Variants in UBE4B observed in about 807,000 individuals in gnomAD.
The protein encoded by UBE4B is ubiquitin conjugation factor E4 B.
UBE4B carries 27 observed loss-of-function variants against 148.1 expected under a neutral mutation model. The ratio of observed to expected loss-of-function variants is 0.18; its 90% confidence interval spans 0.13 to 0.25. UBE4B has a LOEUF of 0.25. Ranked by LOEUF, UBE4B falls within the 10% of genes least tolerant of loss-of-function variation. UBE4B has a pLI of 1.00. For missense variants in UBE4B, 1,170 were observed against 1,662.4 expected (o/e 0.70, Z 5.15); for synonymous variants, 596 against 619.3 (o/e 0.96, Z 0.56).
chr1:10,132,492 C>T lies in UBE4B; in HGVS notation c.2025+10C>T. 6.2e-7 allele frequency: 1 copy of T among 1,609,810 alleles called. No individual in the cohort carries two copies. The highest frequency in any genetic ancestry group is 8.5e-7 in the Non-Finnish European group (1 of 1,176,794). ...GAAAGCACAGATGCAGGTAGGATTC[C>T]TACAGACTGCTTTTCGCTGTTTGTC... On this transcript the variant is annotated intron_variant, in intron 15 of 27. Transcript: ENST00000343090.
intron 20 of UBE4B, among the ~76,000 whole-genome samples, chr1:10,150,970 G>A (rs1405989903): frequency 6.7e-6 from 1 of 150,280 alleles, no homozygotes; most frequent in African/African-American, 2.5e-5. Context: ...GACCATCCTG[G>A]CTAACATGGT....
chr1:10,087,380 G>A (rs1644782625), intron 2 of UBE4B, among the ~76,000 whole-genome samples: 1 of 152,142 alleles, frequency 6.6e-6, no homozygotes, highest in Admixed American at 6.6e-5. Context: ...CCTTCATCCA[G>A]TCTCCCCTAA....
At chr1:10,176,031 T>C (rs1258130501) in intron 25 of UBE4B, among the ~76,000 whole-genome samples, 1 of 152,208 alleles carries the variant, frequency 6.6e-6, no homozygotes, top group African/African-American at 2.4e-5. Context: ...ATCTGCTGTC[T>C]CTCTTTTCCT....
chr1:10,105,563 C>T lies in UBE4B; in HGVS notation c.628C>T (p.Leu210=). ...GATTGGCCAGATTTTAATGGAAGTG[C>T]TAATGATGTCCACTCAGACCAGAGA... The part of the protein sequence containing the change: ...DLIGQILMEV[L]MMSTQTRDEN... The change falls in exon 6 of 28, where the codon CTA becomes TTA. Residue 210 remains leucine, a synonymous_variant. Transcript: ENST00000343090. The T allele has an allele frequency of 6.2e-7, 1 of 1,614,198 alleles. No homozygotes were observed. The highest frequency in any genetic ancestry group is 8.5e-7 in the Non-Finnish European group (1 of 1,180,046).
At chr1:10,145,373 G>C (rs933723183) in intron 18 of UBE4B, 1 of 159,228 alleles carries the variant, frequency 6.3e-6, no homozygotes, top group African/African-American at 2.4e-5. Context: ...CTAGGCGGGC[G>C]GATCACGAGG....
Position 10,158,345 on chromosome 1 carries a change from T to G in UBE4B, c.2927-11T>G. On this transcript the variant is annotated splice_polypyrimidine_tract_variant and intron_variant, in intron 21 of 27. Coordinates refer to ENST00000343090, the MANE Select transcript of UBE4B (RefSeq NM_001105562.3). ...TACATATCCCTCAGTACCTTTGTCT[T>G]TCTTCTTTAGATGTTGAGCATACCG... The G allele has an allele frequency of 6.2e-7, 1 of 1,613,892 alleles. No homozygotes were observed. Among genetic ancestry groups the G allele is most frequent in the Non-Finnish European group, 8.5e-7 (1 of 1,179,932 alleles).
At chr1:10,103,632 G>GTTTTTTTTTTTTTTTTTTTTTTTTTTTT (rs1186811301) in intron 5 of UBE4B, among the ~76,000 whole-genome samples, 1 of 106,508 alleles carries the variant, frequency 9.4e-6, no homozygotes, top group African/African-American at 3.4e-5. Context: ...TTTTGTTTTT[G>GTTTTTTTTTTTTTTTTTTTTTTTTTTTT]TTTTTTTTTT....
chr1:10,068,910 C>G (rs1644437592), intron 1 of UBE4B, among the ~76,000 whole-genome samples: 1 of 152,194 alleles, frequency 6.6e-6, no homozygotes, highest in Non-Finnish European at 1.5e-5. Context: ...CCTAAATTTT[C>G]CAGCGGATCT....
chr1:10,034,018 GTGTGTGTGTGTC>G (rs1258845540), intron 1 of UBE4B, among the ~76,000 whole-genome samples: 3 of 152,120 alleles, frequency 2.0e-5, no homozygotes, highest in Admixed American at 2.0e-4. Context: ...TGAAGTTAAA[GTGTGTGTGTGTC>G]TGTGTCTTCA....
rs540136265 is a variant in UBE4B at position 10,126,026 on chromosome 1, C to T, written c.1555-768C>T. On this transcript the variant is annotated intron_variant, in intron 10 of 27. Transcript: ENST00000343090. ...TAAAAAATATTGATAGAGGGCCAAGCGCGGTAGCTCATGCCTGTGATCCCA... is the reference window on the plus strand; with the variant it reads ...TAAAAAATATTGATAGAGGGCCAAGTGCGGTAGCTCATGCCTGTGATCCCA... Among the ~76,000 whole-genome samples, 5 of 152,200 alleles carry T rather than the reference C, an allele frequency of 3.3e-5. No individual in the cohort carries two copies. In the East Asian group the frequency reaches 5.8e-4, roughly 18 times the overall value.
At chr1:10,174,457 T>C (rs2102037993) in intron 25 of UBE4B, among the ~76,000 whole-genome samples, 1 of 151,294 alleles carries the variant, frequency 6.6e-6, no homozygotes, top group East Asian at 2.0e-4. Flanking sequence ...TCCCAGCACT[T>C]TGGGGAGCCG....
intron 2 of UBE4B, 66 bp from the exon 3 acceptor site, chr1:10,095,395 C>A (rs368215683): frequency 6.3e-7 from 1 of 1,590,772 alleles, no homozygotes; most frequent in South Asian, 1.1e-5. Flanking sequence ...TGTTTACTGT[C>A]GCTATTACAA....
At chr1:10,117,064 T>G (rs758746497) in intron 7 of UBE4B, among the ~76,000 whole-genome samples, 2 of 152,200 alleles carry the variant, frequency 1.3e-5, no homozygotes, top group Non-Finnish European at 2.9e-5. Context: ...TGTCAGTCCC[T>G]TATAACTTTT....
chr1:10,137,277 G>T, intron 17 of UBE4B, 72 bp downstream of exon 17: 2 of 1,586,452 alleles, frequency 1.3e-6, no homozygotes, highest in Non-Finnish European at 8.6e-7. Context: ...CAATTCCATT[G>T]TGAACAGTAG....
At chr1:10,134,951 A>G (rs1312935082) in intron 15 of UBE4B, 37 bp from the exon 16 acceptor site, 3 of 1,594,946 alleles carry the variant, frequency 1.9e-6, no homozygotes, top group South Asian at 1.1e-5. Context: ...AATTTTTTTT[A>G]ATGTTTAAAA....
intron 15 of UBE4B, among the ~76,000 whole-genome samples, chr1:10,133,395 A>G (rs1190374975): frequency 6.6e-6 from 1 of 152,182 alleles, no homozygotes; most frequent in South Asian, 2.1e-4. Flanking sequence ...TGGGTTTATT[A>G]TATATAAAGC....
intron 20 of UBE4B, among the ~76,000 whole-genome samples, chr1:10,150,039 A>T (rs1645944236): frequency 6.6e-6 from 1 of 152,212 alleles, no homozygotes; most frequent in African/African-American, 2.4e-5. Context: ...AAAGTTTTGT[A>T]ACAAACAACA....
intron 25 of UBE4B, among the ~76,000 whole-genome samples, chr1:10,173,977 T>C (rs12074936): frequency 0.23 from 34,660 of 152,134 alleles, 6,064 homozygotes; most frequent in African/African-American, 0.49. Flanking sequence ...TGGCTTGGGT[T>C]GTAGACAGCA....
At chr1:10,102,853 T>C (rs1398665382) in intron 4 of UBE4B, 95 bp from the exon 5 acceptor site, 1 of 1,313,418 alleles carries the variant, frequency 7.6e-7, no homozygotes, top group African/African-American at 1.5e-5. Flanking sequence ...ATATCATCAC[T>C]AATAATGAAT....
Sources: allele counts gnomAD v4.1 joint callset (sites outside exome capture counted in the v4.1 genomes callset), GRCh38; gene constraint gnomAD v4.1.1; transcripts MANE v1.5; gene names NCBI Gene and HGNC (gene_info 2026-07-23, HGNC 2026-07-21).